The following AIMP1 variants were observed in gnomAD, a reference collection of about 807,000 sequenced individuals.
The protein encoded by AIMP1 is aminoacyl tRNA synthetase complex interacting multifunctional protein 1.
AIMP1 carries 24 observed loss-of-function variants against 33.1 expected under a neutral mutation model. The ratio of observed to expected loss-of-function variants is 0.73; its 90% CI spans 0.53 to 1.02. The LOEUF (loss-of-function observed/expected upper bound fraction) is 1.02, where lower values mean the gene tolerates loss of function less well. Among genes scored for constraint, AIMP1 ranks in the 50% least tolerant of loss-of-function variants. The pLI, the probability that AIMP1 is intolerant of heterozygous loss-of-function variation, is 0.00. For missense variants in AIMP1, 367 were observed against 364.8 expected (o/e 1.01, Z -0.05); for synonymous variants, 120 against 121.5 (o/e 0.99, Z 0.08).
At chr4:106,327,765 A>G (rs976779204) in intron 3 of AIMP1, among the ~76,000 whole-genome samples, 1 of 152,208 alleles carries the variant, frequency 6.6e-6, no homozygotes, top group Non-Finnish European at 1.5e-5. Flanking sequence ...GTTAATTTGT[A>G]TAAAGCATTT....
At chr4:106,342,254 TC>T (rs1770126176) in intron 6 of AIMP1, among the ~76,000 whole-genome samples, 2 of 152,222 alleles carry the variant, frequency 1.3e-5, no homozygotes, top group South Asian at 4.1e-4. Flanking sequence ...TTTGACTTCT[TC>T]TTTTCCTATT....
intron 6 of AIMP1, among the ~76,000 whole-genome samples, chr4:106,343,330 A>T (rs1192682538): frequency 6.6e-6 from 1 of 152,144 alleles, no homozygotes; most frequent in East Asian, 1.9e-4. Context: ...GGCTGATGTG[A>T]TTATATAGGC....
intron 6 of AIMP1, among the ~76,000 whole-genome samples, chr4:106,346,797 T>C (rs1386624259): frequency 6.6e-6 from 1 of 152,200 alleles, no homozygotes; most frequent in Non-Finnish European, 1.5e-5. Context: ...TTCACAGTTT[T>C]CCTTTATATT....
chr4:106,324,384 ATTTT>A (rs1769381454), intron 1 of AIMP1, among the ~76,000 whole-genome samples: 1 of 151,930 alleles, frequency 6.6e-6, no homozygotes, highest in East Asian at 1.9e-4. Context: ...CCTTGATAGT[ATTTT>A]TTTAAATTTC....
At chr4:106,326,872 G>A (rs28615207) in intron 2 of AIMP1, among the ~76,000 whole-genome samples, 10,906 of 152,126 alleles carry the variant, frequency 0.072, 427 homozygotes, top group Non-Finnish European at 0.082. Context: ...CAATCTCCAA[G>A]CCTCGATCAG....
chr4:106,323,930 C>G (rs1769365030), intron 1 of AIMP1, among the ~76,000 whole-genome samples: 1 of 151,946 alleles, frequency 6.6e-6, no homozygotes, highest in African/African-American at 2.4e-5. Flanking sequence ...CTAGTATCAG[C>G]TAATATGAAA....
chr4:106,329,772 CTTTTTTTTTTTTTTTTTTTTT>C (rs59016309), intron 4 of AIMP1, among the ~76,000 whole-genome samples: 1 of 53,062 alleles, frequency 1.9e-5, no homozygotes, highest in Non-Finnish European at 3.8e-5. Flanking sequence ...TGCTACATAT[CTTTTTTTTTTTTTTTTTTTTT>C]TTTTTTTTTG....
rs1770351042 is a variant in AIMP1, at chr4:106,347,579, C to G, written c.826C>G (p.Pro276Ala). The change falls in exon 7 of 7, where the codon CCT (proline) becomes GCT (alanine). Residue 276 changes from proline (P) to alanine (A), a missense_variant. Coordinates refer to ENST00000672341, the MANE Select transcript of AIMP1 (RefSeq NM_001142416.2). ...GAAGAAGATTTGGGAGCAGATCCAG[C>G]CTGATCTTCACACTAATGATGAGTG... is the stretch of plus-strand genomic sequence containing the variant. The part of the protein sequence containing the change: ...PKKKIWEQIQ[P>A]DLHTNDECVA... The G allele has an allele frequency of 3.1e-6, 5 of 1,613,326 alleles. No individual in the cohort carries two copies. Among genetic ancestry groups the G allele is most frequent in the Non-Finnish European group, 4.2e-6 (5 of 1,179,620 alleles).
intron 4 of AIMP1, among the ~76,000 whole-genome samples, chr4:106,329,183 C>T (rs1769571521): frequency 6.6e-6 from 1 of 152,092 alleles, no homozygotes; most frequent in African/African-American, 2.4e-5. Flanking sequence ...AGGGGCTGTA[C>T]AGCCTCTGCT....
Position 106,331,804 on chromosome 4 carries a change from A to G in AIMP1, c.524A>G (p.Tyr175Cys). Residue 175 changes from tyrosine to cysteine, a missense_variant, in exon 5 of 7, where the codon TAT becomes TGT. Tyr to Cys is a radical substitution (Grantham distance 194). Transcript: ENST00000672341. The part of the protein sequence containing the change: ...ARKHPDADSL[Y>C]VEEVDVGEIA... ...AAACACCCTGATGCAGATTCTTTGTATGTGGAAGAAGTAGATGTCGGAGAA... is the reference window on the plus strand; with the variant it reads ...AAACACCCTGATGCAGATTCTTTGTGTGTGGAAGAAGTAGATGTCGGAGAA... 6.2e-7 allele frequency: 1 copy of G among 1,614,160 alleles called. No homozygotes were observed. Among genetic ancestry groups the G allele is most frequent in the Non-Finnish European group, 8.5e-7 (1 of 1,179,994 alleles).
At chr4:106,340,448 C>T (rs550940083) in intron 6 of AIMP1, among the ~76,000 whole-genome samples, 1 of 152,234 alleles carries the variant, frequency 6.6e-6, no homozygotes, top group African/African-American at 2.4e-5. Context: ...CGACCTCCCT[C>T]CTAGTAGTAC....
chr4:106,331,986 C>A, intron 5 of AIMP1, 103 bp downstream of exon 5: 1 of 1,119,756 alleles, frequency 8.9e-7, no homozygotes, highest in Non-Finnish European at 1.4e-6. Context: ...CAACATGTGC[C>A]CTTGTTAATT....
At chr4:106,330,443 T>C (rs1454934706) in intron 4 of AIMP1, among the ~76,000 whole-genome samples, 1 of 152,202 alleles carries the variant, frequency 6.6e-6, no homozygotes, top group African/African-American at 2.4e-5. Flanking sequence ...AAATGGAATT[T>C]TTTTAAAGCT....
rs114112873 is a variant in AIMP1, at chr4:106,329,437, A to G, written c.391+1194A>G. The stretch of plus-strand genomic sequence containing the variant: ...TGGAAGAGGGAGCACACAGGACCAC[A>G]AGACCAAATGGAGTTATAAGATTAG... On this transcript the variant is annotated intron_variant, in intron 4 of 6. Transcript: ENST00000672341. Among the ~76,000 whole-genome samples, 588 of 152,284 alleles carry G rather than the reference A, an allele frequency of 3.9e-3. 5 individuals are homozygous for G. The highest frequency in any genetic ancestry group is 0.013 in the African/African-American group (560 of 41,564).
chr4:106,315,976 A>C (rs1260033386), upstream of AIMP1: 1 of 152,588 alleles, frequency 6.6e-6, no homozygotes, highest in Non-Finnish European at 1.5e-5. Flanking sequence ...AGGGGGATGG[A>C]GCTTCTACAC....
intron 5 of AIMP1, among the ~76,000 whole-genome samples, chr4:106,333,372 C>T (rs1202958221): frequency 6.6e-6 from 1 of 152,128 alleles, no homozygotes; most frequent in East Asian, 1.9e-4. Flanking sequence ...TTTGTTTTGG[C>T]TCTCTAATTT....
chr4:106,316,562 G>A lies in AIMP1; in HGVS notation c.-58G>A, dbSNP rs1768908533. ...GCTGGACCTACATGCTTCCTGCTGT[G>A]GCTGTCTCGGAACCCGTGGTCCTCC... On this transcript the variant is annotated 5_prime_UTR_variant, in exon 1 of 7. Transcript: ENST00000672341. 6.4e-7 allele frequency: 1 copy of A among 1,551,584 alleles called. No individual in the cohort carries two copies. The highest frequency in any genetic ancestry group is 8.7e-7 in the Non-Finnish European group (1 of 1,146,970).
intron 1 of AIMP1, among the ~76,000 whole-genome samples, chr4:106,320,268 G>A (rs889764488): frequency 6.6e-6 from 1 of 152,180 alleles, no homozygotes; most frequent in Non-Finnish European, 1.5e-5. Context: ...CAGTATTGTT[G>A]TTAAACTATC....
intron 6 of AIMP1, among the ~76,000 whole-genome samples, chr4:106,341,425 T>A (rs1770096736): frequency 6.6e-6 from 1 of 152,168 alleles, no homozygotes; most frequent in Non-Finnish European, 1.5e-5. Context: ...AAGTTTTAGG[T>A]CTTATATTTA....
Sources: gnomAD v4.1 joint callset for allele counts (sites outside exome capture counted in the v4.1 genomes callset) on GRCh38, gnomAD v4.1.1 for gene constraint, MANE v1.5 for transcripts, NCBI Gene and HGNC (gene_info 2026-07-23, HGNC 2026-07-21) for gene names.